SCART1: variants seen among roughly 807,000 people sequenced by gnomAD.
The protein encoded by SCART1 is scavenger receptor family member expressed on T cells 1.
A neutral mutation model predicts 36.2 loss-of-function variants in SCART1; 62 were observed. The observed-to-expected ratio is 1.71, with a 90% CI of 1.40 to 2.12. SCART1 has a LOEUF of 2.12. Among genes scored for constraint, SCART1 ranks in the 30% most tolerant of loss-of-function variants. SCART1 has a pLI of 0.00. For synonymous variants in SCART1, 487 were observed against 238.7 expected (o/e 2.04, Z -9.59); for missense variants, 1,041 against 540.5 (o/e 1.93, Z -9.18).
intron 1 of SCART1, among the ~76,000 whole-genome samples, chr10:133,456,024 G>C (rs1378953702): frequency 1.3e-5 from 2 of 152,252 alleles, no homozygotes; most frequent in East Asian, 3.9e-4. Context: ...GGGCTCCAGA[G>C]GGCCAGGGAG....
In SCART1 at chr10:133,459,405, C is replaced by T. The variant is rs975316865; in HGVS notation, c.1285+79C>T. On this transcript the variant is annotated intron_variant, in intron 5 of 11. Coordinates refer to ENST00000640237, the Ensembl canonical transcript of SCART1. ...GGAGTGCAAGGAAGGACAGAGGGGGCGGAGAGGTACGGGCCCTGCTGGGGG... is the reference window on the plus strand; with the variant it reads ...GGAGTGCAAGGAAGGACAGAGGGGGTGGAGAGGTACGGGCCCTGCTGGGGG... 6 of 612,748 alleles carry T rather than the reference C, an allele frequency of 9.8e-6. No individual in the cohort carries two copies. The Admixed American group carries it at 1.4e-4, about 14-fold the overall frequency. 38.0% of individuals were successfully genotyped at this position (612,748 alleles called of 1,614,324 possible). A position where few individuals can be genotyped will look rare whatever the true frequency, so the allele number is the denominator to read the frequency against.
At chr10:133,466,426 C>A in intron 10 of SCART1, 45 bp downstream of exon 10, 1 of 690,254 alleles carries the variant, frequency 1.4e-6, no homozygotes. Context: ...TGTGCAGGAG[C>A]AAGAGCAGCT....
intron 3 of SCART1, 74 bp from the exon 4 acceptor site, chr10:133,458,286 G>T (rs1427271157): frequency 1.4e-6 from 1 of 701,880 alleles, no homozygotes; most frequent in Admixed American, 2.0e-5. Context: ...GAAGCCTTCC[G>T]CAGTCTGAGG....
At chr10:133,466,518 C>T in intron 10 of SCART1, 137 bp downstream of exon 10, 1 of 581,716 alleles carries the variant, frequency 1.7e-6, no homozygotes, top group Non-Finnish European at 3.1e-6. Flanking sequence ...CCCCCAAAGT[C>T]CAAGGAACTG....
downstream of SCART1, among the ~76,000 whole-genome samples, chr10:133,469,440 G>T (rs1850794858): frequency 6.6e-6 from 1 of 152,174 alleles, no homozygotes; most frequent in Non-Finnish European, 1.5e-5. Flanking sequence ...CATGTCCTTT[G>T]CAGGGACGTG....
rs201944356 is a variant in SCART1 at position 133,467,949 on chromosome 10, TGGA to T, written c.3070_3072del (p.Glu1024del). On this transcript the variant is annotated inframe_deletion, in exon 12 of 12. Transcript: ENST00000640237. Reference sequence around the variant, plus strand: ...GGATATGACGAGGCTGCGTTTCCTCTGGAGGAGATGACGTTGTAAAGCAACCTG... The same window carrying T: ...GGATATGACGAGGCTGCGTTTCCTCTGGAGATGACGTTGTAAAGCAACCTG... 2.1e-3 allele frequency: 1,453 copies of T among 696,886 alleles called. 20 individuals are homozygous for T. The African/African-American group carries it at 0.022, about 11-fold the overall frequency. The allele number at this position is 696,886 out of a possible 1,614,324, so 43.2% of individuals were successfully genotyped here.
At chr10:133,462,318 G>A (rs1014180068) in intron 6 of SCART1, among the ~76,000 whole-genome samples, 7 of 152,230 alleles carry the variant, frequency 4.6e-5, no homozygotes, top group Non-Finnish European at 1.0e-4. Context: ...TCATATCTGA[G>A]GGGCAGAAGC....
At chr10:133,466,246 G>A (rs1850764417) in exon 10 of SCART1, 1 of 702,504 alleles carries the variant, frequency 1.4e-6, no homozygotes, top group South Asian at 1.5e-5. Flanking sequence ...GCCTGGCCCA[G>A]GCCCCCCACT....
intron 6 of SCART1, chr10:133,464,151 T>G (rs900870488): frequency 1.9e-5 from 3 of 158,324 alleles, no homozygotes; most frequent in African/African-American, 7.2e-5. Flanking sequence ...GATTTTATTG[T>G]TTTTTTAATG....
chr10:133,454,362 A>G (rs1375203838), intron 1 of SCART1, among the ~76,000 whole-genome samples: 2 of 151,580 alleles, frequency 1.3e-5, no homozygotes, highest in Non-Finnish European at 2.9e-5. Context: ...ACCCTGATCA[A>G]CAGAGTCCTG....
At chr10:133,461,070 TTTATTA>T (rs138591920) in intron 6 of SCART1, among the ~76,000 whole-genome samples, 7 of 151,680 alleles carry the variant, frequency 4.6e-5, no homozygotes, top group Admixed American at 2.6e-4. Flanking sequence ...GTGGATGAGC[TTTATTA>T]TTATTATTAT....
exon 6 of SCART1, chr10:133,459,864 C>G (rs1850674201): frequency 1.8e-6 from 1 of 561,992 alleles, no homozygotes; most frequent in Non-Finnish European, 3.1e-6. Context: ...CGCCCTGACT[C>G]TGTCTCTCCA....
exon 3 of SCART1, chr10:133,457,300 G>A (rs925639047): frequency 6.6e-5 from 46 of 700,854 alleles, no homozygotes; most frequent in African/African-American, 2.4e-4. Flanking sequence ...CGGGAGCTCC[G>A]GCTGGTGAAG....
chr10:133,457,395 A>G (rs1033604546), exon 3 of SCART1: 2 of 702,020 alleles, frequency 2.8e-6, no homozygotes, highest in South Asian at 1.5e-5. Context: ...GGAGGAGGCC[A>G]TGGTGTTCTG....
rs1212574699 is a variant in SCART1 at position 133,464,922 on chromosome 10, C to T, written c.2275+11C>T. On this transcript the variant is annotated intron_variant, in intron 7 of 11. Transcript: ENST00000640237. ...GACCTTCGAGAGCAGGTCTGGATTA[C>T]CTGTGCAGGTGGGCATTAGAGGTCT... 2 of 702,836 alleles carry T rather than the reference C, an allele frequency of 2.8e-6. No homozygotes were observed. The highest frequency in any genetic ancestry group is 2.0e-5 in the Admixed American group (1 of 49,998). The allele number at this position is 702,836 out of a possible 1,614,324, so 43.5% of individuals were successfully genotyped here.
exon 3 of SCART1, chr10:133,457,561 A>T (rs1202113407): frequency 1.4e-6 from 1 of 700,230 alleles, no homozygotes; most frequent in South Asian, 1.5e-5. Flanking sequence ...CTGGACGCAG[A>T]GGTGGTCTGC....
exon 9 of SCART1, chr10:133,465,408 C>T (rs1327729959): frequency 6.7e-6 from 4 of 594,248 alleles, no homozygotes; most frequent in Middle Eastern, 3.5e-4. Context: ...GGGCCGTCGC[C>T]GCCCTGGGGG....
In SCART1 at chr10:133,456,980, G is replaced by A. The variant is rs1028872343; in HGVS notation, c.386-299G>A. The A allele has an allele frequency of 1.1e-5, 6 of 522,302 alleles. No homozygotes were observed. In the East Asian group the frequency reaches 2.0e-4, roughly 18 times the overall value. 32.4% of individuals were successfully genotyped at this position (522,302 alleles called of 1,614,324 possible). A position where few individuals can be genotyped will look rare whatever the true frequency, so the allele number is the denominator to read the frequency against. On this transcript the variant is annotated intron_variant, in intron 2 of 11. Coordinates refer to ENST00000640237, the Ensembl canonical transcript of SCART1. ...TCCCTCACATTTTATGTGGCTGTGA[G>A]GACCCCCTCATAGCGTCCTGCCTCT...
chr10:133,465,134 T>C (rs2133558688), exon 8 of SCART1: 3 of 703,032 alleles, frequency 4.3e-6, no homozygotes, highest in Non-Finnish European at 7.8e-6. Context: ...CACAGGCTGC[T>C]GGGGAGCCCC....
Sources: gnomAD v4.1 joint callset for allele counts (sites outside exome capture counted in the v4.1 genomes callset) on GRCh38, gnomAD v4.1.1 for gene constraint, MANE v1.5 for transcripts, NCBI Gene and HGNC (gene_info 2026-07-23, HGNC 2026-07-21) for gene names.